Variants in LZTFL1 observed in about 807,000 individuals in gnomAD.
The protein encoded by LZTFL1 is leucine zipper transcription factor-like protein 1.
LZTFL1 carries 25 observed loss-of-function variants against 45.9 expected under a neutral mutation model. The observed-to-expected ratio is 0.54, with a 90% CI of 0.40 to 0.76. The LOEUF is 0.76. Among genes scored for constraint, LZTFL1 ranks in the 30% least tolerant of loss-of-function variants. The pLI is 0.00. For synonymous variants in LZTFL1, 93 were observed against 117.4 expected (o/e 0.79, Z 1.35); for missense variants, 277 against 331.1 (o/e 0.84, Z 1.27).
In LZTFL1 at chr3:45,831,055, A is replaced by G; in HGVS notation, c.522+18T>C. On this transcript the variant is annotated intron_variant, in intron 6 of 9. Coordinates refer to ENST00000296135, the MANE Select transcript of LZTFL1 (RefSeq NM_020347.4). ...CTGTAGGCAGTTCAATAATTGTGTCAAAACATTTCTCAGTTACCTGTATTT... is the reference window on the plus strand; with the variant it reads ...CTGTAGGCAGTTCAATAATTGTGTCGAAACATTTCTCAGTTACCTGTATTT... 3 of 1,608,782 alleles carry G rather than the reference A, an allele frequency of 1.9e-6. No homozygotes were observed. The highest frequency in any genetic ancestry group is 2.6e-6 in the Non-Finnish European group (3 of 1,176,350).
chr3:45,867,016 C>T (rs574912533), intron 2 of LZTFL1, among the ~76,000 whole-genome samples: 62 of 151,940 alleles, frequency 4.1e-4, no homozygotes, highest in African/African-American at 1.2e-3. Context: ...GGCATGGTGG[C>T]GCATGCCTGT....
At chr3:45,864,161 A>T (rs750985193) in intron 2 of LZTFL1, among the ~76,000 whole-genome samples, 2 of 152,234 alleles carry the variant, frequency 1.3e-5, no homozygotes, top group Non-Finnish European at 2.9e-5. Context: ...CTAGCAGGTA[A>T]TGTGTAATTA....
intron 2 of LZTFL1, among the ~76,000 whole-genome samples, chr3:45,893,951 T>G (rs75078036): frequency 0.062 from 9,419 of 152,248 alleles, 339 homozygotes; most frequent in Middle Eastern, 0.092. Context: ...GATGTTGTTA[T>G]GGAAAGGAAG....
At chr3:45,857,969 T>C (rs992750932) in intron 3 of LZTFL1, among the ~76,000 whole-genome samples, 7 of 152,240 alleles carry the variant, frequency 4.6e-5, no homozygotes, top group Non-Finnish European at 8.8e-5. Context: ...TTTTTCAAAT[T>C]GGTTAATCAT....
intron 2 of LZTFL1, among the ~76,000 whole-genome samples, chr3:45,892,597 T>G (rs1702221308): frequency 6.6e-6 from 1 of 152,088 alleles, no homozygotes; most frequent in South Asian, 2.1e-4. Context: ...ATAAAAAAAC[T>G]ATCTACCAGT....
In LZTFL1 at chr3:45,894,517, G is replaced by A. The variant is rs563591066; in HGVS notation, c.-215+18603C>T. The stretch of plus-strand genomic sequence containing the variant: ...GAAGGGGAACCAGTCAGCAAAACAG[G>A]ACTTGACAGACAAGCTGAATCAAGG... On this transcript the variant is annotated intron_variant, in intron 2 of 4. Transcript: ENST00000472635. 2.6e-5 allele frequency among the ~76,000 whole-genome samples: 4 copies of A among 152,312 alleles called. 1 individual carries two copies. The South Asian group carries it at 8.3e-4, about 32-fold the overall frequency.
chr3:45,832,564 AT>A (rs375667071), intron 5 of LZTFL1: 465 of 144,232 alleles, frequency 3.2e-3, no homozygotes, highest in African/African-American at 4.8e-3. Context: ...CTGATAAATA[AT>A]TTTTTTTTTT....
intron 3 of LZTFL1, 120 bp downstream of exon 3, chr3:45,835,470 A>T: frequency 1.2e-6 from 1 of 864,902 alleles, no homozygotes; most frequent in Non-Finnish European, 1.9e-6. Flanking sequence ...CTTTGCTGTT[A>T]CCCTACCCAA....
At chr3:45,867,147 CAAAAAAAAAAA>C (rs58937842) in intron 2 of LZTFL1, among the ~76,000 whole-genome samples, 1 of 63,258 alleles carries the variant, frequency 1.6e-5, no homozygotes, top group African/African-American at 6.2e-5. Context: ...GACTCAATCT[CAAAAAAAAAAA>C]AAAAAAAAAA....
At chr3:45,889,066 G>A (rs1307794818) in intron 2 of LZTFL1, among the ~76,000 whole-genome samples, 1 of 152,168 alleles carries the variant, frequency 6.6e-6, no homozygotes, top group East Asian at 1.9e-4. Context: ...GCTCACTTCA[G>A]CCTTGAACTC....
intron 1 of LZTFL1, chr3:45,913,274 T>G (rs1028797653): frequency 3.3e-6 from 3 of 915,106 alleles, no homozygotes; most frequent in African/African-American, 3.4e-5. Context: ...TTGTTTTTCA[T>G]GAGGACCTGC....
chr3:45,834,842 A>G (rs565020527), intron 3 of LZTFL1: 14 of 152,762 alleles, frequency 9.2e-5, no homozygotes, highest in Non-Finnish European at 1.8e-4. Flanking sequence ...GTCAGCTTCT[A>G]AGCTTCTTAA....
chr3:45,831,424 C>G (rs1700814018), intron 5 of LZTFL1, among the ~76,000 whole-genome samples: 1 of 152,060 alleles, frequency 6.6e-6, no homozygotes, highest in Admixed American at 6.5e-5. Context: ...TTTCCAAAGA[C>G]CCGCTTCCCT....
At chr3:45,857,930 G>C (rs1343570740) in intron 3 of LZTFL1, among the ~76,000 whole-genome samples, 18 of 151,960 alleles carry the variant, frequency 1.2e-4, no homozygotes, top group Admixed American at 1.2e-3. Flanking sequence ...TTTCATTTCT[G>C]CTATGTAAGG....
In LZTFL1 at chr3:45,900,942, C is replaced by A. The variant is rs1702531543; in HGVS notation, c.-215+12178G>T. On this transcript the variant is annotated intron_variant, in intron 2 of 4. Transcript: ENST00000472635. The surrounding 1 kb of genome is among the most constrained non-coding windows in gnomAD (Gnocchi z 4.7). ...CAGGCAGTTTGCGAGCCATTTCCTCCCACCCTTGTACTGGCTCGTGTTCAT... is the reference window on the plus strand; with the variant it reads ...CAGGCAGTTTGCGAGCCATTTCCTCACACCCTTGTACTGGCTCGTGTTCAT... 6.2e-7 allele frequency: 1 copy of A among 1,614,218 alleles called. No homozygotes were observed.
intron 2 of LZTFL1, among the ~76,000 whole-genome samples, chr3:45,888,156 A>G (rs1702039700): frequency 6.6e-6 from 1 of 152,206 alleles, no homozygotes. Context: ...CTTTTGGAGA[A>G]TTAGCAGCTC....
At position 45,825,020 on chromosome 3, in the gene LZTFL1, C is replaced by T. The variant is rs527618978; in HGVS notation, c.*1294G>A. On this transcript the variant is annotated 3_prime_UTR_variant, in exon 10 of 10. Coordinates refer to ENST00000296135, the MANE Select transcript of LZTFL1 (RefSeq NM_020347.4). ...ATTATCTTACCCTTTAACATTTGTT[C>T]CTTCACTATTTTAACAAAAAGCCTA... 2.5e-6 allele frequency: 1 copy of T among 397,066 alleles called. No individual in the cohort carries two copies. Among genetic ancestry groups the T allele is most frequent in the East Asian group, 3.6e-5 (1 of 27,984 alleles). 24.6% of individuals were successfully genotyped at this position (397,066 alleles called of 1,614,324 possible).
In LZTFL1 at chr3:45,824,829, A is replaced by C; in HGVS notation, c.*1485T>G. On this transcript the variant is annotated 3_prime_UTR_variant, in exon 10 of 10. Coordinates refer to ENST00000296135, the MANE Select transcript of LZTFL1 (RefSeq NM_020347.4). ...AATACAGGGTGAGAATGAAGCCCTC[A>C]ACAAAAGCTCCAAAAGGGCACAGAA... 1 of 398,400 alleles carries C rather than the reference A, an allele frequency of 2.5e-6. No homozygotes were observed. The highest frequency in any genetic ancestry group is 4.4e-6 in the Non-Finnish European group (1 of 225,904). The allele number at this position is 398,400 out of a possible 1,614,324, so 24.7% of individuals were successfully genotyped here.
intron 3 of LZTFL1, among the ~76,000 whole-genome samples, chr3:45,858,358 C>G (rs1321288995): frequency 6.6e-6 from 1 of 152,192 alleles, no homozygotes; most frequent in East Asian, 1.9e-4. Flanking sequence ...TTCAATATGA[C>G]CTCCAAGGTC....
Sources: gnomAD v4.1 joint callset for allele counts (sites outside exome capture counted in the v4.1 genomes callset) on GRCh38, gnomAD v4.1.1 for gene constraint, Gnocchi (gnomAD v3.1) non-coding constraint, MANE v1.5 for transcripts, NCBI Gene and HGNC (gene_info 2026-07-23, HGNC 2026-07-21) for gene names.